The following TMEM131L variants were observed in gnomAD, a reference collection of about 807,000 sequenced individuals.
TMEM131L encodes transmembrane protein 131-like.
A neutral mutation model predicts 192.2 loss-of-function variants in TMEM131L; 54 were observed. That is an observed-to-expected ratio of 0.28 (90% CI 0.23 to 0.35). TMEM131L has a LOEUF of 0.35. Ranked by LOEUF, TMEM131L falls within the 10% of genes least tolerant of loss-of-function variation. The pLI, the probability that TMEM131L is intolerant of heterozygous loss-of-function variation, is 1.00. For missense variants in TMEM131L, 1,888 were observed against 1,972.9 expected (o/e 0.96, Z 0.82); for synonymous variants, 701 against 704.9 (o/e 0.99, Z 0.09).
At chr4:153,625,389 G>C (rs1359856536) in intron 29 of TMEM131L, among the ~76,000 whole-genome samples, 2 of 150,176 alleles carry the variant, frequency 1.3e-5, no homozygotes, top group African/African-American at 4.9e-5. Context: ...ACTCTGTCTC[G>C]ACAAAAAAAA....
Position 153,528,166 on chromosome 4 carries a change from A to G in TMEM131L, c.240-21907A>G, listed in dbSNP as rs17030077. 7.0e-3 allele frequency among the ~76,000 whole-genome samples: 1,073 copies of G among 152,324 alleles called. 18 individuals are homozygous for G. Among genetic ancestry groups the G allele is most frequent in the African/African-American group, 0.024 (1,012 of 41,564 alleles). On this transcript the variant is annotated intron_variant, in intron 3 of 34. Transcript: ENST00000409959. ...TTACTTCCAGGTTTTGGCATAATAT[A>G]AAACAGGTTACAGCTTGCCTCTTCA... is the stretch of plus-strand genomic sequence containing the variant.
At chr4:153,522,023 A>C (rs141511053) in intron 3 of TMEM131L, among the ~76,000 whole-genome samples, 3 of 152,330 alleles carry the variant, frequency 2.0e-5, no homozygotes, top group Admixed American at 2.0e-4. Flanking sequence ...CTGAGCCTGC[A>C]ACTTAAAGCA....
chr4:153,582,180 G>A (rs1730381134), intron 9 of TMEM131L, among the ~76,000 whole-genome samples: 1 of 152,012 alleles, frequency 6.6e-6, no homozygotes, highest in Non-Finnish European at 1.5e-5. Flanking sequence ...CTGTATATTT[G>A]TATTCATATT....
chr4:153,550,390 G>A (rs918495830), intron 4 of TMEM131L, among the ~76,000 whole-genome samples: 1 of 152,058 alleles, frequency 6.6e-6, no homozygotes, highest in African/African-American at 2.4e-5. Flanking sequence ...GCAGTGGCGT[G>A]ATCTCTGCTC....
chr4:153,545,740 C>T (rs1013666824), intron 3 of TMEM131L, among the ~76,000 whole-genome samples: 1 of 152,188 alleles, frequency 6.6e-6, no homozygotes, highest in African/African-American at 2.4e-5. Context: ...AAATCCTTGT[C>T]TACAGGTCCT....
chr4:153,507,173 T>C (rs533020662), intron 3 of TMEM131L, among the ~76,000 whole-genome samples: 1 of 152,302 alleles, frequency 6.6e-6, no homozygotes, highest in African/African-American at 2.4e-5. Context: ...TTGGAGTGTT[T>C]ATGGCCCATC....
At chr4:153,611,229 C>T (rs1247922676) in intron 25 of TMEM131L, among the ~76,000 whole-genome samples, 1 of 152,172 alleles carries the variant, frequency 6.6e-6, no homozygotes, top group Non-Finnish European at 1.5e-5. Flanking sequence ...GTCATGTGTC[C>T]TTTGGTGGGG....
At chr4:153,600,103 G>A (rs896646132) in intron 21 of TMEM131L, among the ~76,000 whole-genome samples, 6 of 152,104 alleles carry the variant, frequency 3.9e-5, no homozygotes, top group Non-Finnish European at 7.4e-5. Context: ...GGTGGCTCAC[G>A]CCTATAATCC....
chr4:153,517,134 T>A (rs926200907), intron 3 of TMEM131L, among the ~76,000 whole-genome samples: 4 of 152,212 alleles, frequency 2.6e-5, no homozygotes, highest in Non-Finnish European at 5.9e-5. Flanking sequence ...CAGCTCATCT[T>A]TTAAATTTTA....
chr4:153,501,892 G>T (rs1489409580), intron 3 of TMEM131L, among the ~76,000 whole-genome samples: 1 of 150,258 alleles, frequency 6.7e-6, no homozygotes, highest in Non-Finnish European at 1.5e-5. Context: ...GCTAGAGTAG[G>T]ATTTCCCCTC....
At chr4:153,548,064 C>T (rs1737324679) in intron 3 of TMEM131L, among the ~76,000 whole-genome samples, 1 of 151,910 alleles carries the variant, frequency 6.6e-6, no homozygotes, top group Non-Finnish European at 1.5e-5. Context: ...CCAGCTCCGT[C>T]TGGAGTAGGG....
At chr4:153,609,208 G>A (rs535485832) in intron 25 of TMEM131L, among the ~76,000 whole-genome samples, 1 of 152,264 alleles carries the variant, frequency 6.6e-6, no homozygotes, top group South Asian at 2.1e-4. Flanking sequence ...TGCTTCTGGG[G>A]AGACCTTAGG....
intron 3 of TMEM131L, among the ~76,000 whole-genome samples, chr4:153,501,726 T>G (rs1475853838): frequency 6.6e-6 from 1 of 152,062 alleles, no homozygotes; most frequent in Non-Finnish European, 1.5e-5. Context: ...GATAGAAGCT[T>G]TCCTCTATAC....
At chr4:153,588,862 TA>T in intron 15 of TMEM131L, 27 bp from the exon 16 acceptor site, 1 of 1,159,172 alleles carries the variant, frequency 8.6e-7, no homozygotes, top group Non-Finnish European at 1.3e-6. Context: ...TCTGTAAATC[TA>T]AATATGGAAT....
chr4:153,497,349 T>C (rs1200912185), intron 3 of TMEM131L, among the ~76,000 whole-genome samples: 1 of 152,164 alleles, frequency 6.6e-6, no homozygotes, highest in African/African-American at 2.4e-5. Flanking sequence ...CTTTGGGTCA[T>C]ATGAGTCATG....
At chr4:153,591,823 A>G (rs1004328518) in intron 17 of TMEM131L, among the ~76,000 whole-genome samples, 1 of 152,186 alleles carries the variant, frequency 6.6e-6, no homozygotes, top group African/African-American at 2.4e-5. Flanking sequence ...CAACTTAGAG[A>G]AAAGTTTCAA....
intron 3 of TMEM131L, among the ~76,000 whole-genome samples, chr4:153,531,148 T>A (rs1735870433): frequency 6.6e-6 from 1 of 152,204 alleles, no homozygotes; most frequent in Non-Finnish European, 1.5e-5. Context: ...TCAGGTTCCT[T>A]CTGCTCCCCT....
chr4:153,567,588 AGGCTGGAGTGC>A (rs1729308755), intron 7 of TMEM131L, among the ~76,000 whole-genome samples: 2 of 147,742 alleles, frequency 1.4e-5, no homozygotes, highest in African/African-American at 5.1e-5. Context: ...CTTGTCACCC[AGGCTGGAGTGC>A]AATGGCACGA....
rs373724116 is a variant in TMEM131L, at chr4:153,603,964, T to C, written c.2952T>C (p.Tyr984=). 1.2e-6 allele frequency: 2 copies of C among 1,613,838 alleles called. No homozygotes were observed. The highest frequency in any genetic ancestry group is 1.3e-5 in the African/African-American group (1 of 74,846). The change falls in exon 25 of 35, where the codon TAT becomes TAC. Residue 984 remains tyrosine, a synonymous_variant. Transcript: ENST00000409959. The part of the protein sequence containing the change: ...HSQKKHKCSV[Y]YSKHKTSTAA... ...AGAAGAAGCACAAATGCTCAGTGTA[T>C]TACAGTAAACACAAAACCAGCACAG...
Sources: gnomAD v4.1 joint callset for allele counts (sites outside exome capture counted in the v4.1 genomes callset) on GRCh38, gnomAD v4.1.1 for gene constraint, MANE v1.5 for transcripts, NCBI Gene and HGNC (gene_info 2026-07-23, HGNC 2026-07-21) for gene names.